Variants in PRKAA2 observed in about 807,000 individuals in gnomAD.
The protein encoded by PRKAA2 is 5'-AMP-activated protein kinase catalytic subunit alpha-2.
PRKAA2 carries 40 observed loss-of-function variants against 56.3 expected under a neutral mutation model. The ratio of observed to expected loss-of-function variants is 0.71; its 90% CI spans 0.55 to 0.92. The LOEUF is 0.92. Among genes scored for constraint, PRKAA2 ranks in the 40% least tolerant of loss-of-function variants. PRKAA2 has a pLI of 0.00. For missense variants in PRKAA2, 542 were observed against 686.9 expected (o/e 0.79, Z 2.36); for synonymous variants, 214 against 234.2 (o/e 0.91, Z 0.79).
intron 1 of PRKAA2, among the ~76,000 whole-genome samples, chr1:56,665,789 A>G (rs1285905940): frequency 6.6e-6 from 1 of 152,080 alleles, no homozygotes; most frequent in Non-Finnish European, 1.5e-5. Context: ...TTCTCTGATG[A>G]CCCATGATAT....
Position 56,703,972 on chromosome 1 carries a change from G to A in PRKAA2, c.790G>A (p.Glu264Lys). 6.3e-7 allele frequency: 1 copy of A among 1,599,408 alleles called. No individual in the cohort carries two copies. The highest frequency in any genetic ancestry group is 8.5e-7 in the Non-Finnish European group (1 of 1,173,268). ...AATGTATTGTGGTGTTTTTCCTAGA[G>A]AGCATGAATGGTTTAAACAAGATTT... Reference protein sequence around the residue: ...LKRATIKDIREHEWFKQDLPS... With the variant: ...LKRATIKDIRKHEWFKQDLPS... Residue 264 changes from glutamate (E) to lysine (K), a missense_variant and splice_region_variant, in exon 7 of 9, where the codon GAG (glutamate) becomes AAG (lysine). By Grantham distance (56) the Glu-to-Lys change is moderately conservative. Transcript: ENST00000371244.
At chr1:56,651,910 C>T (rs1291133212) in intron 1 of PRKAA2, among the ~76,000 whole-genome samples, 1 of 151,180 alleles carries the variant, frequency 6.6e-6, no homozygotes, top group Non-Finnish European at 1.5e-5. Context: ...GGTGCTATCT[C>T]AGCTCACTGC....
At chr1:56,681,073 C>A (rs1644151403) in intron 2 of PRKAA2, among the ~76,000 whole-genome samples, 1 of 152,186 alleles carries the variant, frequency 6.6e-6, no homozygotes, top group African/African-American at 2.4e-5. Context: ...GATGGTGTCT[C>A]ATTGTGGTTT....
intron 1 of PRKAA2, among the ~76,000 whole-genome samples, chr1:56,659,087 A>G (rs12738355): frequency 0.56 from 85,307 of 151,204 alleles, 24,641 homozygotes; most frequent in East Asian, 0.83. Context: ...ACAGGCATGA[A>G]CCACCATGCT....
At chr1:56,674,557 C>T (rs570752203) in intron 2 of PRKAA2, 35 bp downstream of exon 2, 6 of 1,361,042 alleles carry the variant, frequency 4.4e-6, no homozygotes, top group African/African-American at 3.0e-5. Flanking sequence ...ACCAAAGAGA[C>T]ACCTATCTTA....
In PRKAA2 at chr1:56,704,192, C is replaced by T; in HGVS notation, c.1010C>T (p.Ala337Val). The T allele has an allele frequency of 6.2e-7, 1 of 1,614,124 alleles. No homozygotes were observed. The highest frequency in any genetic ancestry group is 8.5e-7 in the Non-Finnish European group (1 of 1,180,020). Residue 337 changes from alanine to valine, a missense_variant, in exon 7 of 9, where the codon GCC (alanine) becomes GTC (valine). By Grantham distance (64) the Ala-to-Val change is moderately conservative. Transcript: ENST00000371244. ...GACAATCGGAGAATAATGAACCAAG[C>T]CAGTGAGTTCTACCTCGCCTCTAGT... ...IIDNRRIMNQ[A>V]SEFYLASSPP...
At chr1:56,658,150 G>A (rs979783452) in intron 1 of PRKAA2, among the ~76,000 whole-genome samples, 3 of 152,138 alleles carry the variant, frequency 2.0e-5, no homozygotes, top group Non-Finnish European at 4.4e-5. Context: ...AATGAAACCT[G>A]AGGACTCTAG....
At chr1:56,681,085 G>A (rs1273974830) in intron 2 of PRKAA2, among the ~76,000 whole-genome samples, 1 of 152,170 alleles carries the variant, frequency 6.6e-6, no homozygotes, top group Admixed American at 6.5e-5. Flanking sequence ...TTGTGGTTTT[G>A]ATTTGCATTT....
intron 2 of PRKAA2, among the ~76,000 whole-genome samples, chr1:56,680,111 G>C (rs755229455): frequency 6.6e-6 from 1 of 152,108 alleles, no homozygotes; most frequent in Admixed American, 6.6e-5. Flanking sequence ...AAAGTTAAAC[G>C]TGGATTTTTG....
chr1:56,671,981 A>T (rs758949302), intron 1 of PRKAA2, among the ~76,000 whole-genome samples: 17 of 152,080 alleles, frequency 1.1e-4, no homozygotes, highest in Non-Finnish European at 1.6e-4. Context: ...TTAAAATATG[A>T]CTCCAAGAAA....
chr1:56,692,605 C>A, intron 4 of PRKAA2, 103 bp downstream of exon 4: 2 of 1,184,018 alleles, frequency 1.7e-6, no homozygotes, highest in Non-Finnish European at 2.3e-6. Context: ...CGTTCTGTAC[C>A]ATGAAAAGGA....
intron 1 of PRKAA2, among the ~76,000 whole-genome samples, chr1:56,671,641 C>G (rs1274420381): frequency 6.6e-6 from 1 of 152,136 alleles, no homozygotes; most frequent in Non-Finnish European, 1.5e-5. Flanking sequence ...AAAATAATCT[C>G]CAGCGACAGA....
intron 2 of PRKAA2, among the ~76,000 whole-genome samples, chr1:56,678,673 G>C (rs1314193069): frequency 6.7e-6 from 1 of 148,970 alleles, no homozygotes; most frequent in African/African-American, 2.5e-5. Context: ...TTGTTAGTCT[G>C]GTAGAGATGA....
At chr1:56,706,427 G>A (rs1186672639) in intron 8 of PRKAA2, among the ~76,000 whole-genome samples, 1 of 152,198 alleles carries the variant, frequency 6.6e-6, no homozygotes, top group Non-Finnish European at 1.5e-5. Flanking sequence ...AAGTATCTCC[G>A]TGGCGTAAAA....
chr1:56,693,519 C>A (rs1458664122), intron 4 of PRKAA2, among the ~76,000 whole-genome samples: 1 of 151,922 alleles, frequency 6.6e-6, no homozygotes, highest in Non-Finnish European at 1.5e-5. Context: ...TGATGGGAAT[C>A]AACATTTTTA....
Position 56,651,932 on chromosome 1 carries a change from C to T in PRKAA2, c.94+6451C>T, listed in dbSNP as rs1268915127. Among the ~76,000 whole-genome samples, 13 of 151,638 alleles carry T rather than the reference C, an allele frequency of 8.6e-5. 1 individual carries two copies. In the East Asian group the frequency reaches 1.7e-3, roughly 20 times the overall value. On this transcript the variant is annotated intron_variant, in intron 1 of 8. Coordinates refer to ENST00000371244, the MANE Select transcript of PRKAA2 (RefSeq NM_006252.4). Reference sequence around the variant, plus strand: ...TCTCAGCTCACTGCAAGCTCCGCCTCCTGGGTTCACGCCATTCTCTTGCCT... The same window carrying T: ...TCTCAGCTCACTGCAAGCTCCGCCTTCTGGGTTCACGCCATTCTCTTGCCT...
intron 1 of PRKAA2, among the ~76,000 whole-genome samples, chr1:56,669,595 C>A (rs993548310): frequency 6.6e-6 from 1 of 152,062 alleles, no homozygotes; most frequent in Non-Finnish European, 1.5e-5. Flanking sequence ...TTTACCCAGC[C>A]CCATTTCCTG....
At chr1:56,650,732 G>T (rs995651356) in intron 1 of PRKAA2, among the ~76,000 whole-genome samples, 1 of 152,112 alleles carries the variant, frequency 6.6e-6, no homozygotes, top group African/African-American at 2.4e-5. Context: ...GTACACCAAG[G>T]GATACTTAGG....
intron 1 of PRKAA2, among the ~76,000 whole-genome samples, chr1:56,671,016 A>G (rs950613998): frequency 6.6e-6 from 1 of 152,166 alleles, no homozygotes; most frequent in African/African-American, 2.4e-5. Flanking sequence ...TGCTCGGCAA[A>G]TGTTTTGAGA....
Sources: gnomAD v4.1 joint callset for allele counts (sites outside exome capture counted in the v4.1 genomes callset) on GRCh38, gnomAD v4.1.1 for gene constraint, MANE v1.5 for transcripts, NCBI Gene and HGNC (gene_info 2026-07-23, HGNC 2026-07-21) for gene names.